Variants in TFPI observed in about 807,000 individuals in gnomAD.
TFPI encodes anti-convertin.
Under a neutral mutation model 34.6 loss-of-function variants are expected in TFPI, and 15 were observed. The observed-to-expected ratio is 0.43, with a 90% CI of 0.29 to 0.67. The LOEUF (loss-of-function observed/expected upper bound fraction) is 0.67. TFPI is among the 30% of genes least tolerant of loss of function. The pLI is 0.15. For synonymous variants in TFPI, 105 were observed against 120.1 expected, an observed-to-expected ratio of 0.87 and a Z score of 0.82; for missense variants, 301 against 364.0, an observed-to-expected ratio of 0.83 and a Z score of 1.41.
At chr2:187,520,909 G>A (rs1687333973) in intron 1 of TFPI, among the ~76,000 whole-genome samples, 1 of 151,948 alleles carries the variant, frequency 6.6e-6, no homozygotes, top group African/African-American at 2.4e-5. Context: ...GTACTTCTTT[G>A]AGATAGCTCC....
intron 3 of TFPI, among the ~76,000 whole-genome samples, chr2:187,492,254 A>G (rs1319831745): frequency 1.3e-5 from 2 of 152,000 alleles, no homozygotes; most frequent in South Asian, 2.1e-4. Flanking sequence ...TTTCTCTTGC[A>G]TTTGCTTTTG....
At chr2:187,488,306 G>C in intron 4 of TFPI, 31 bp downstream of exon 4, 1 of 1,537,806 alleles carries the variant, frequency 6.5e-7, no homozygotes, top group South Asian at 1.3e-5. Context: ...TTACATAAAT[G>C]CTTCAAATTT....
At chr2:187,497,326 G>T (rs1024900893) in intron 2 of TFPI, among the ~76,000 whole-genome samples, 2 of 152,144 alleles carry the variant, frequency 1.3e-5, no homozygotes, top group Middle Eastern at 3.4e-3. Flanking sequence ...GGAGGGAATT[G>T]AGTAGTAGTT....
chr2:187,475,372 T>C (rs749488269), intron 6 of TFPI, among the ~76,000 whole-genome samples: 1 of 152,196 alleles, frequency 6.6e-6, no homozygotes, highest in Non-Finnish European at 1.5e-5. Context: ...ATAAAATTTG[T>C]TAAATGAAGA....
chr2:187,496,910 A>C lies in TFPI; in HGVS notation c.290T>G (p.Leu97Arg), dbSNP rs1190620520. The stretch of plus-strand genomic sequence containing the variant: ...TGTACACATTTTTTTGCACTCTTCC[A>C]GACTTTCAAATCGATTCTGATTTCC... ...CEGNQNRFESLEECKKMCTRD... is the reference protein window; with the variant it reads ...CEGNQNRFESREECKKMCTRD... The change falls in exon 3 of 8, where the codon CTG becomes CGG. Residue 97 changes from leucine to arginine, a missense_variant. Leu to Arg is a moderately radical substitution (Grantham distance 102, BLOSUM62 -2). Coordinates refer to ENST00000233156, the MANE Select transcript of TFPI (RefSeq NM_006287.6). The C allele has an allele frequency of 2.5e-6, 4 of 1,613,186 alleles. No homozygotes were observed. Among genetic ancestry groups the C allele is most frequent in the Non-Finnish European group, 3.4e-6 (4 of 1,179,396 alleles).
intron 1 of TFPI, among the ~76,000 whole-genome samples, chr2:187,532,226 T>A (rs1323215895): frequency 6.6e-6 from 1 of 152,226 alleles, no homozygotes; most frequent in African/African-American, 2.4e-5. Flanking sequence ...ATTGCACATA[T>A]ATTGTTTGGT....
chr2:187,528,128 A>C (rs1484893326), intron 1 of TFPI, among the ~76,000 whole-genome samples: 3 of 152,136 alleles, frequency 2.0e-5, no homozygotes, highest in South Asian at 4.1e-4. Context: ...ATTTATTATC[A>C]TAAAGTACTT....
chr2:187,504,749 C>T (rs8176594), intron 1 of TFPI, among the ~76,000 whole-genome samples: 6,133 of 152,024 alleles, frequency 0.04, 185 homozygotes, highest in South Asian at 0.11. Flanking sequence ...GGAAGGAAAG[C>T]GAGATCTTAT....
chr2:187,529,513 T>C (rs192000957), intron 1 of TFPI: 1 of 152,284 alleles, frequency 6.6e-6, no homozygotes, highest in East Asian at 1.9e-4. Context: ...GAAAGAAAGA[T>C]ATCTTTTCTC....
intron 1 of TFPI, chr2:187,544,454 T>C (rs1688742943): frequency 6.6e-6 from 1 of 152,128 alleles, no homozygotes; most frequent in Admixed American, 6.5e-5. Context: ...TAAATTGATA[T>C]TACAAACACA....
intron 1 of TFPI, chr2:187,527,378 G>A (rs1030441414): frequency 6.6e-5 from 10 of 152,202 alleles, no homozygotes; most frequent in Admixed American, 3.3e-4. Context: ...ATAATCTCAG[G>A]GAGAGGTTTG....
chr2:187,516,328 T>A (rs543378152), intron 1 of TFPI: 1 of 152,334 alleles, frequency 6.6e-6, no homozygotes, highest in East Asian at 1.9e-4. Flanking sequence ...AAGTGTGGCA[T>A]GGATTTAATC....
intron 1 of TFPI, among the ~76,000 whole-genome samples, chr2:187,553,909 AATT>A (rs1399885118): frequency 1.4e-4 from 21 of 152,234 alleles, no homozygotes; most frequent in Admixed American, 1.2e-3. Flanking sequence ...ACAATCTTCA[AATT>A]ATAAAAAAGC....
chr2:187,525,923 T>C (rs1687654083), intron 1 of TFPI, among the ~76,000 whole-genome samples: 1 of 152,140 alleles, frequency 6.6e-6, no homozygotes, highest in South Asian at 2.1e-4. Context: ...TTCCGTAACT[T>C]ACTAATTATA....
At chr2:187,512,119 A>T (rs1040046850) in intron 1 of TFPI, among the ~76,000 whole-genome samples, 1 of 152,088 alleles carries the variant, frequency 6.6e-6, no homozygotes, top group Admixed American at 6.5e-5. Flanking sequence ...TAACCCCTAG[A>T]CTTCCTATCA....
chr2:187,530,101 A>G (rs1687886051), intron 1 of TFPI, among the ~76,000 whole-genome samples: 1 of 152,172 alleles, frequency 6.6e-6, no homozygotes, highest in African/African-American at 2.4e-5. Context: ...AGAAGGAAAG[A>G]CTTGGCAGGG....
intron 1 of TFPI, among the ~76,000 whole-genome samples, chr2:187,505,699 C>A (rs1297458676): frequency 6.6e-6 from 1 of 152,102 alleles, no homozygotes; most frequent in Admixed American, 6.5e-5. Flanking sequence ...ATAGTTTTAG[C>A]ATGAAACAAG....
intron 6 of TFPI, among the ~76,000 whole-genome samples, chr2:187,470,160 C>G (rs1691950957): frequency 6.6e-6 from 1 of 152,130 alleles, no homozygotes. Context: ...ACTTATACAT[C>G]AATTTCACTT....
At chr2:187,524,611 C>A (rs1331489029) in intron 1 of TFPI, among the ~76,000 whole-genome samples, 1 of 151,918 alleles carries the variant, frequency 6.6e-6, no homozygotes, top group Non-Finnish European at 1.5e-5. Context: ...CAGTACAGAT[C>A]TTTGGATATA....
Sources: gnomAD v4.1 joint callset for allele counts (sites outside exome capture counted in the v4.1 genomes callset) on GRCh38, gnomAD v4.1.1 for gene constraint, MANE v1.5 for transcripts, NCBI Gene and HGNC (gene_info 2026-07-23, HGNC 2026-07-21) for gene names.